The following TMPRSS6 variants were observed in gnomAD, a reference collection of about 807,000 sequenced individuals.
TMPRSS6 encodes the protein transmembrane serine protease 6.
Under a neutral mutation model 101.5 loss-of-function variants are expected in TMPRSS6, and 67 were observed. That is an observed-to-expected ratio of 0.66 (90% CI 0.54 to 0.81). The LOEUF is 0.81. TMPRSS6 is among the 30% of genes least tolerant of loss of function. The pLI, the probability that TMPRSS6 is intolerant of heterozygous loss-of-function variation, is 0.00. For synonymous variants in TMPRSS6, 453 were observed against 464.9 expected, an observed-to-expected ratio of 0.97 and a Z score of 0.33; for missense variants, 1,034 against 1,088.7, an observed-to-expected ratio of 0.95 and a Z score of 0.71.
At chr22:37,083,224 G>A (rs1928402525) in intron 10 of TMPRSS6, 7 of 375,734 alleles carry the variant, frequency 1.9e-5, no homozygotes, top group South Asian at 1.5e-4. Context: ...ACGCTGACAC[G>A]ATGACCGTTT....
intron 13 of TMPRSS6, among the ~76,000 whole-genome samples, 186 bp downstream of exon 13, chr22:37,073,346 A>AGATGGATGGATG (rs61496676): frequency 1.5e-4 from 21 of 140,940 alleles, no homozygotes; most frequent in African/African-American, 3.0e-4. Flanking sequence ...GGAGACCAGA[A>AGATGGATGGATG]GATGGATGGA....
At chr22:37,074,561 G>A (rs755966392) in intron 12 of TMPRSS6, 49 bp downstream of exon 12, 2 of 1,561,576 alleles carry the variant, frequency 1.3e-6, no homozygotes, top group African/African-American at 2.7e-5. Flanking sequence ...AGGTGAGGAA[G>A]GAGAAGGGAT....
At chr22:37,098,626 G>A in intron 2 of TMPRSS6, 77 bp from the exon 3 acceptor site, 1 of 1,602,734 alleles carries the variant, frequency 6.2e-7, no homozygotes, top group African/African-American at 1.3e-5. Flanking sequence ...GCCTTCTCCT[G>A]CCACCCACAC....
chr22:37,085,068 G>A (rs1379736963), intron 8 of TMPRSS6, among the ~76,000 whole-genome samples: 1 of 152,194 alleles, frequency 6.6e-6, no homozygotes, highest in Non-Finnish European at 1.5e-5. Context: ...CATTCAAACA[G>A]CCTGGCATGT....
intron 4 of TMPRSS6, 98 bp from the exon 5 acceptor site, chr22:37,096,188 G>GT: frequency 2.2e-6 from 3 of 1,362,698 alleles, no homozygotes; most frequent in Non-Finnish European, 3.1e-6. Flanking sequence ...CCGCACCTCA[G>GT]CCATTGCTGT....
At chr22:37,095,343 G>A (rs571685168) in intron 6 of TMPRSS6, among the ~76,000 whole-genome samples, 6 of 152,128 alleles carry the variant, frequency 3.9e-5, no homozygotes, top group East Asian at 3.9e-4. Context: ...ACAAATACAC[G>A]CATGCACGTC....
chr22:37,078,976 A>AG (rs1928010984), intron 10 of TMPRSS6, among the ~76,000 whole-genome samples: 1 of 140,828 alleles, frequency 7.1e-6, no homozygotes, highest in African/African-American at 2.8e-5. Flanking sequence ...AGAAAGAAAA[A>AG]GAAAGAAAGA....
chr22:37,097,456 G>A (rs1267670217), intron 3 of TMPRSS6, among the ~76,000 whole-genome samples: 1 of 152,228 alleles, frequency 6.6e-6, no homozygotes, highest in Non-Finnish European at 1.5e-5. Context: ...AACATTCTGT[G>A]AACTATTCCC....
At position 37,068,968 on chromosome 22, in the gene TMPRSS6, G is replaced by A. The variant is rs1057084187; in HGVS notation, c.2113+105C>T. On this transcript the variant is annotated intron_variant, in intron 16 of 17. Coordinates refer to ENST00000676104, the MANE Select transcript of TMPRSS6 (RefSeq NM_001374504.1). ...AATCCCAGCACTAGAGGGCCTATGG[G>A]GTGGAGCCCCGGGACCCCCAGCCCC... The A allele has an allele frequency of 7.4e-6, 11 of 1,485,924 alleles. No individual in the cohort carries two copies. In the African/African-American group the frequency reaches 1.3e-4, roughly 17 times the overall value. The allele number at this position is 1,485,924 out of a possible 1,614,324, so 92.0% of individuals were successfully genotyped here.
chr22:37,090,133 G>A (rs1236094714), intron 6 of TMPRSS6, among the ~76,000 whole-genome samples: 5 of 152,194 alleles, frequency 3.3e-5, no homozygotes, highest in African/African-American at 9.6e-5. Context: ...CTTCAAACCC[G>A]GCCTGTGGGC....
chr22:37,068,978 C>A (rs576609518), intron 16 of TMPRSS6, 95 bp downstream of exon 16: 1 of 1,495,168 alleles, frequency 6.7e-7, no homozygotes, highest in South Asian at 1.3e-5. Flanking sequence ...GGTGGAGCCC[C>A]GGGACCCCCA....
chr22:37,074,229 C>T (rs192159788), intron 12 of TMPRSS6, among the ~76,000 whole-genome samples: 26 of 152,360 alleles, frequency 1.7e-4, no homozygotes, highest in African/African-American at 5.8e-4. Flanking sequence ...ATCATCCCCC[C>T]ACCATGAACA....
At chr22:37,071,979 TG>T (rs1926968089) in intron 13 of TMPRSS6, among the ~76,000 whole-genome samples, 3 of 146,950 alleles carry the variant, frequency 2.0e-5, no homozygotes, top group African/African-American at 5.2e-5. Flanking sequence ...GATGGATGGA[TG>T]GATGGATGGA....
At chr22:37,084,603 C>T in intron 9 of TMPRSS6, 124 bp downstream of exon 9, 1 of 917,762 alleles carries the variant, frequency 1.1e-6, no homozygotes, top group East Asian at 2.6e-5. Context: ...AGGATGTGTA[C>T]CCAGGGCTCA....
intron 10 of TMPRSS6, among the ~76,000 whole-genome samples, chr22:37,077,850 C>G (rs936773040): frequency 2.0e-5 from 3 of 152,208 alleles, no homozygotes; most frequent in Non-Finnish European, 4.4e-5. Context: ...TAAGCAAAAA[C>G]TCTTTAGGGT....
chr22:37,083,793 T>G, intron 10 of TMPRSS6: 1 of 237,890 alleles, frequency 4.2e-6, no homozygotes, highest in African/African-American at 2.2e-5. Context: ...CCGTTGGGGA[T>G]TCGGGGGATC....
rs1926709643 is a variant in TMPRSS6 at position 37,069,735 on chromosome 22, C to G, written c.1842-391G>C. ...TTTTTTCCTGTGTGCTTTACAGACC[C>G]AGGCTGCTCTGAATTCCCTGAGGCT... On this transcript the variant is annotated intron_variant, in intron 15 of 17. Coordinates refer to ENST00000676104, the MANE Select transcript of TMPRSS6 (RefSeq NM_001374504.1). The surrounding 1 kb of genome is among the most constrained non-coding windows in gnomAD (Gnocchi z 4.8). Among the ~76,000 whole-genome samples the G allele has an allele frequency of 6.6e-6, 1 of 152,216 alleles. No homozygotes were observed. The highest frequency in any genetic ancestry group is 1.5e-5 in the Non-Finnish European group (1 of 68,044).
intron 2 of TMPRSS6, among the ~76,000 whole-genome samples, chr22:37,100,941 G>A (rs1209657960): frequency 6.6e-6 from 1 of 152,142 alleles, no homozygotes; most frequent in African/African-American, 2.4e-5. Context: ...TGAGCCCCCG[G>A]GTCAAGTGCA....
rs1926726836 is a variant in TMPRSS6, at chr22:37,069,896, G to A, written c.1842-552C>T. ...AGGGCAGTGGGGAGCCTGAGATGGG[G>A]TTAAAGAGAGCTAGGTGGTCAGAGC... On this transcript the variant is annotated intron_variant, in intron 15 of 17. Transcript: ENST00000676104. The surrounding 1 kb of genome is among the most constrained non-coding windows in gnomAD (Gnocchi z 4.8). 6.6e-6 allele frequency among the ~76,000 whole-genome samples: 1 copy of A among 152,184 alleles called. No individual in the cohort carries two copies. The highest frequency in any genetic ancestry group is 2.1e-4 in the South Asian group (1 of 4,830).
Sources: gnomAD v4.1 joint callset for allele counts (sites outside exome capture counted in the v4.1 genomes callset) on GRCh38, gnomAD v4.1.1 for gene constraint, Gnocchi (gnomAD v3.1) non-coding constraint, MANE v1.5 for transcripts, NCBI Gene and HGNC (gene_info 2026-07-23, HGNC 2026-07-21) for gene names.